Variants in PTK7 observed in about 807,000 individuals in gnomAD.
PTK7 encodes the protein inactive tyrosine-protein kinase 7.
A neutral mutation model predicts 116.6 loss-of-function variants in PTK7; 39 were observed. The ratio of observed to expected loss-of-function variants is 0.33; its 90% CI spans 0.26 to 0.44. The LOEUF is 0.44. Among genes scored for constraint, PTK7 ranks in the 20% least tolerant of loss-of-function variants. The pLI, the probability that PTK7 is intolerant of heterozygous loss-of-function variation, is 1.00. For missense variants in PTK7, 1,169 were observed against 1,425.6 expected, an observed-to-expected ratio of 0.82 and a Z score of 2.90; for synonymous variants, 546 against 563.6, an observed-to-expected ratio of 0.97 and a Z score of 0.44.
chr6:43,145,180 G>A lies in PTK7; in HGVS notation c.2408-20G>A. 2 of 1,581,680 alleles carry A rather than the reference G, an allele frequency of 1.3e-6. No individual in the cohort carries two copies. The highest frequency in any genetic ancestry group is 1.7e-6 in the Non-Finnish European group (2 of 1,161,552). ...TCGGCCTGGGTGAAGGTGGCTGGCT[G>A]ACTCAGACTGTACCCACAGGGAAGA... On this transcript the variant is annotated intron_variant, in intron 15 of 19. Coordinates refer to ENST00000230419, the MANE Select transcript of PTK7 (RefSeq NM_002821.5). This position sits in a 1 kb window ranked among gnomAD's most constrained non-coding sequence, Gnocchi z 4.8.
chr6:43,082,583 CT>C (rs1183199711), intron 1 of PTK7, among the ~76,000 whole-genome samples: 18 of 152,318 alleles, frequency 1.2e-4, no homozygotes, highest in Admixed American at 2.0e-4. Context: ...CAGAGCTTTC[CT>C]GTTGCAACAG....
intron 1 of PTK7, among the ~76,000 whole-genome samples, chr6:43,108,681 C>T (rs1214562495): frequency 6.6e-6 from 1 of 152,230 alleles, no homozygotes; most frequent in African/African-American, 2.4e-5. Context: ...GGATTCCAGG[C>T]ATGAGCCACT....
intron 1 of PTK7, among the ~76,000 whole-genome samples, chr6:43,118,647 CTCTCTCTCTCTCTATATATATATATA>C (rs1423410275): frequency 4.6e-5 from 4 of 87,756 alleles, no homozygotes; most frequent in African/African-American, 2.3e-4. Context: ...CTCTCTCTCT[CTCTCTCTCTCTCTATATATATATATA>C]TATATATATA....
chr6:43,116,651 TGCGCGC>T (rs879197725), intron 1 of PTK7, among the ~76,000 whole-genome samples: 8 of 77,214 alleles, frequency 1.0e-4, no homozygotes, highest in African/African-American at 1.9e-4. Flanking sequence ...TGTGTGTGTG[TGCGCGC>T]GCACGCACGC....
chr6:43,111,837 C>CTTTTTT (rs34582469), intron 1 of PTK7, among the ~76,000 whole-genome samples: 1 of 137,220 alleles, frequency 7.3e-6, no homozygotes, highest in Admixed American at 7.4e-5. Flanking sequence ...CCAGCTAATT[C>CTTTTTT]TTTTTTTTTT....
intron 17 of PTK7, among the ~76,000 whole-genome samples, chr6:43,157,316 GAC>G (rs1177980998): frequency 6.4e-5 from 7 of 108,908 alleles, no homozygotes; most frequent in Admixed American, 1.0e-4. Flanking sequence ...CACACACACA[GAC>G]ACACACGCTA....
chr6:43,107,406 A>G (rs566182680), intron 1 of PTK7, among the ~76,000 whole-genome samples: 1 of 152,314 alleles, frequency 6.6e-6, no homozygotes, highest in South Asian at 2.1e-4. Flanking sequence ...ATGTTTAGCA[A>G]ACTGCTTTAC....
At chr6:43,155,644 T>TC (rs1554161938) in intron 17 of PTK7, among the ~76,000 whole-genome samples, 2 of 131,646 alleles carry the variant, frequency 1.5e-5, no homozygotes, top group Non-Finnish European at 3.1e-5. Flanking sequence ...CAAGACTCCA[T>TC]CAAAAAAAAA....
At chr6:43,112,656 T>C (rs1207010134) in intron 1 of PTK7, among the ~76,000 whole-genome samples, 1 of 151,920 alleles carries the variant, frequency 6.6e-6, no homozygotes, top group Non-Finnish European at 1.5e-5. Flanking sequence ...TCAGGTGATC[T>C]GCCCACCTCA....
chr6:43,105,626 CG>C (rs773763710), intron 1 of PTK7, among the ~76,000 whole-genome samples: 1 of 152,056 alleles, frequency 6.6e-6, no homozygotes, highest in Non-Finnish European at 1.5e-5. Flanking sequence ...AGGTGAATGA[CG>C]AATCCTGTAT....
chr6:43,102,772 T>C, intron 1 of PTK7, among the ~76,000 whole-genome samples: 1 of 152,288 alleles, frequency 6.6e-6, no homozygotes, highest in East Asian at 1.9e-4. Flanking sequence ...AAAATGAAGT[T>C]ACTAAATTAA....
chr6:43,076,931 G>A lies in PTK7; in HGVS notation c.79+364G>A. ...AGAAAAGACCATCCGCACCCACCGTGGGGAGCGCGATGGAGAAAAAGGAAT... is the reference window on the plus strand; with the variant it reads ...AGAAAAGACCATCCGCACCCACCGTAGGGAGCGCGATGGAGAAAAAGGAAT... On this transcript the variant is annotated intron_variant, in intron 1 of 19. Coordinates refer to ENST00000230419, the MANE Select transcript of PTK7 (RefSeq NM_002821.5). The surrounding 1 kb of genome is among the most constrained non-coding windows in gnomAD (Gnocchi z 5.7). 1 of 1,516,734 alleles carries A rather than the reference G, an allele frequency of 6.6e-7. No homozygotes were observed. 94.0% of individuals were successfully genotyped at this position (1,516,734 alleles called of 1,614,324 possible).
chr6:43,124,113 G>T (rs1393933143), intron 1 of PTK7, among the ~76,000 whole-genome samples: 1 of 152,122 alleles, frequency 6.6e-6, no homozygotes, highest in Non-Finnish European at 1.5e-5. Context: ...AAAAGAGGAG[G>T]CAGCCTCGGG....
chr6:43,137,603 A>G (rs553606618), intron 7 of PTK7, among the ~76,000 whole-genome samples: 3 of 152,350 alleles, frequency 2.0e-5, no homozygotes, highest in African/African-American at 4.8e-5. Flanking sequence ...GGAACCAACC[A>G]TTCATGTTGT....
chr6:43,141,874 C>G lies in PTK7; in HGVS notation c.1768+57C>G. The G allele has an allele frequency of 1.3e-6, 2 of 1,597,554 alleles. No homozygotes were observed. The highest frequency in any genetic ancestry group is 8.5e-7 in the Non-Finnish European group (1 of 1,170,078). On this transcript the variant is annotated intron_variant, in intron 11 of 19. Transcript: ENST00000230419. The surrounding 1 kb of genome is among the most constrained non-coding windows in gnomAD (Gnocchi z 4.9). ...GGGCCCTCTGGGGTAGCACCGTGTA[C>G]CCTGCCAGCCCCTTGGCTTACCCCT...
intron 1 of PTK7, among the ~76,000 whole-genome samples, chr6:43,105,994 C>T (rs952922377): frequency 1.3e-5 from 2 of 152,164 alleles, no homozygotes; most frequent in African/African-American, 2.4e-5. Context: ...TCTGTGACTG[C>T]GCCTGCCATT....
At chr6:43,108,480 G>T (rs949436842) in intron 1 of PTK7, among the ~76,000 whole-genome samples, 11 of 149,012 alleles carry the variant, frequency 7.4e-5, no homozygotes, top group African/African-American at 2.5e-4. Context: ...GCTCACTGCA[G>T]CCTCCACCTC....
chr6:43,157,345 TATATATA>T (rs1771511751), intron 17 of PTK7, among the ~76,000 whole-genome samples: 1 of 31,070 alleles, frequency 3.2e-5, no homozygotes, highest in African/African-American at 1.4e-4. Context: ...TATATATATA[TATATATA>T]TATATATATA....
chr6:43,148,163 G>T (rs1306543806), intron 17 of PTK7, among the ~76,000 whole-genome samples: 13 of 151,952 alleles, frequency 8.6e-5, no homozygotes, highest in Non-Finnish European at 4.4e-5. Flanking sequence ...TGAGGAGGAA[G>T]AATCATTGGA....
Sources: allele counts gnomAD v4.1 joint callset (sites outside exome capture counted in the v4.1 genomes callset), GRCh38; gene constraint gnomAD v4.1.1; non-coding constraint Gnocchi (gnomAD v3.1); transcripts MANE v1.5; gene names NCBI Gene and HGNC (gene_info 2026-07-23, HGNC 2026-07-21).